Variants in MYO3B observed in about 807,000 individuals in gnomAD.
The protein encoded by MYO3B is myosin-IIIb.
Under a neutral mutation model 174.6 loss-of-function variants are expected in MYO3B, and 156 were observed. The ratio of observed to expected loss-of-function variants is 0.89; its 90% confidence interval spans 0.78 to 1.02. MYO3B has a LOEUF of 1.02. MYO3B is among the 50% of genes least tolerant of loss of function. MYO3B has a pLI of 0.00. For missense variants in MYO3B, 1,632 were observed against 1,639.4 expected (o/e 1.00, Z 0.08); for synonymous variants, 563 against 569.1 (o/e 0.99, Z 0.15).
intron 32 of MYO3B, among the ~76,000 whole-genome samples, chr2:170,565,468 A>C (rs531761297): frequency 6.6e-6 from 1 of 152,214 alleles, no homozygotes; most frequent in South Asian, 2.1e-4. Flanking sequence ...TAAGTGCCTA[A>C]TAAGTGTTTG....
intron 17 of MYO3B, among the ~76,000 whole-genome samples, chr2:170,400,657 C>G (rs903873302): frequency 3.0e-5 from 4 of 131,816 alleles, no homozygotes; most frequent in East Asian, 2.0e-4. Context: ...CCCCCCCCCC[C>G]TCGGCCTCCC....
At chr2:170,321,575 AAAG>A (rs1215994158) in intron 7 of MYO3B, among the ~76,000 whole-genome samples, 3 of 152,194 alleles carry the variant, frequency 2.0e-5, no homozygotes, top group Non-Finnish European at 2.9e-5. Flanking sequence ...AATTTAGTGA[AAAG>A]AAGGAGACCA....
At chr2:170,599,848 T>A (rs944259983) in intron 32 of MYO3B, among the ~76,000 whole-genome samples, 1 of 152,232 alleles carries the variant, frequency 6.6e-6, no homozygotes, top group African/African-American at 2.4e-5. Context: ...CACCTTGTGA[T>A]TAAATATTCA....
At chr2:170,314,262 A>C (rs2093759347) in intron 7 of MYO3B, among the ~76,000 whole-genome samples, 1 of 152,330 alleles carries the variant, frequency 6.6e-6, no homozygotes, top group African/African-American at 2.4e-5. Flanking sequence ...AGGGCAAAAT[A>C]GGCTCCGTTT....
chr2:170,365,127 C>CGAA (rs2094188812), intron 8 of MYO3B, among the ~76,000 whole-genome samples: 1 of 152,116 alleles, frequency 6.6e-6, no homozygotes, highest in Non-Finnish European at 1.5e-5. Context: ...CCTCTGGCCG[C>CGAA]GAAGTATTGT....
intron 32 of MYO3B, among the ~76,000 whole-genome samples, chr2:170,583,790 G>C (rs539475322): frequency 1.7e-4 from 26 of 152,136 alleles, no homozygotes; most frequent in African/African-American, 6.3e-4. Flanking sequence ...TTAGCTCCTT[G>C]CCCAAGGTCA....
At chr2:170,571,281 A>G (rs929104633) in intron 32 of MYO3B, among the ~76,000 whole-genome samples, 2 of 152,182 alleles carry the variant, frequency 1.3e-5, no homozygotes, top group Non-Finnish European at 2.9e-5. Context: ...TTATGTTGTT[A>G]TGTACACGAT....
chr2:170,443,866 T>TGAAAATTCA, intron 22 of MYO3B, 101 bp from the exon 23 acceptor site: 1 of 911,814 alleles, frequency 1.1e-6, no homozygotes, highest in Non-Finnish European at 1.6e-6. Context: ...CAGATTGTTT[T>TGAAAATTCA]GAAAATTCAG....
intron 32 of MYO3B, among the ~76,000 whole-genome samples, chr2:170,619,895 C>A (rs917906283): frequency 6.6e-6 from 1 of 151,322 alleles, no homozygotes; most frequent in African/African-American, 2.4e-5. Context: ...TACAGGCATG[C>A]GCCACCATGC....
chr2:170,477,756 A>G (rs1004608228), intron 25 of MYO3B, among the ~76,000 whole-genome samples: 3 of 151,094 alleles, frequency 2.0e-5, no homozygotes, highest in African/African-American at 7.3e-5. Context: ...AAGTATCTCT[A>G]GATGTTGTCA....
intron 32 of MYO3B, among the ~76,000 whole-genome samples, chr2:170,600,559 T>G (rs1457813699): frequency 6.8e-6 from 1 of 147,794 alleles, no homozygotes; most frequent in Non-Finnish European, 1.5e-5. Context: ...CTGGCCCAAT[T>G]AATTAAAAAT....
intron 25 of MYO3B, among the ~76,000 whole-genome samples, chr2:170,489,694 T>G (rs572098533): frequency 1.3e-5 from 2 of 148,304 alleles, no homozygotes; most frequent in South Asian, 4.3e-4. Context: ...TAAGTGTGGG[T>G]AAGTGTGTGT....
chr2:170,323,050 G>C (rs376371102), intron 7 of MYO3B, among the ~76,000 whole-genome samples: 1 of 151,626 alleles, frequency 6.6e-6, no homozygotes, highest in Non-Finnish European at 1.5e-5. Context: ...TTGCTTTGTT[G>C]AGGAAAAAAA....
intron 23 of MYO3B, among the ~76,000 whole-genome samples, chr2:170,444,666 C>T (rs564928501): frequency 5.9e-5 from 9 of 152,180 alleles, no homozygotes; most frequent in African/African-American, 9.6e-5. Flanking sequence ...TTTGGCCACA[C>T]GTTAATACTG....
chr2:170,386,419 G>A (rs1163397487), intron 13 of MYO3B, 147 bp downstream of exon 13: 1 of 589,802 alleles, frequency 1.7e-6, no homozygotes, highest in African/African-American at 1.9e-5. Flanking sequence ...CTGATAGCGA[G>A]GCCTCTTAAG....
chr2:170,567,401 AAGG>A (rs1196954900), intron 32 of MYO3B, among the ~76,000 whole-genome samples: 1 of 152,136 alleles, frequency 6.6e-6, no homozygotes, highest in Non-Finnish European at 1.5e-5. Context: ...GATGCTAGTG[AAGG>A]GTAGGGGACA....
At chr2:170,533,141 T>C (rs1282554343) in intron 30 of MYO3B, among the ~76,000 whole-genome samples, 1 of 152,204 alleles carries the variant, frequency 6.6e-6, no homozygotes, top group East Asian at 1.9e-4. Flanking sequence ...CACGTCATCA[T>C]TGCCGTGCTC....
intron 23 of MYO3B, among the ~76,000 whole-genome samples, chr2:170,444,859 C>T (rs867696145): frequency 6.6e-6 from 1 of 152,182 alleles, no homozygotes; most frequent in Admixed American, 6.5e-5. Flanking sequence ...CACGGCAAAA[C>T]ATTAGTACTA....
chr2:170,503,060 TTGTTCCC>T (rs1687383833), intron 28 of MYO3B, among the ~76,000 whole-genome samples: 2 of 152,198 alleles, frequency 1.3e-5, no homozygotes, highest in African/African-American at 2.4e-5. Context: ...AGTGCATCAT[TTGTTCCC>T]TACTTGCCTG....
Sources: gnomAD v4.1 joint callset for allele counts (sites outside exome capture counted in the v4.1 genomes callset) on GRCh38, gnomAD v4.1.1 for gene constraint, MANE v1.5 for transcripts, NCBI Gene and HGNC (gene_info 2026-07-23, HGNC 2026-07-21) for gene names.